Variants in NKAIN3 observed in about 807,000 individuals in gnomAD.
The protein encoded by NKAIN3 is sodium/potassium-transporting ATPase subunit beta-1-interacting protein 3.
Under a neutral mutation model 30.2 loss-of-function variants are expected in NKAIN3, and 25 were observed. The ratio of observed to expected loss-of-function variants is 0.83; its 90% CI spans 0.60 to 1.16. NKAIN3 has a LOEUF of 1.16. NKAIN3 is among the 50% of genes most tolerant of loss of function. NKAIN3 has a pLI of 0.00. For synonymous variants in NKAIN3, 91 were observed against 89.6 expected (o/e 1.02, Z -0.09); for missense variants, 225 against 254.1 (o/e 0.89, Z 0.78).
Position 62,746,949 on chromosome 8 carries a change from A to G in NKAIN3, c.291A>G (p.Thr97=), listed in dbSNP as rs1428054561. The part of the protein sequence containing the change: ...GGLSKDTDLM[T]FNISVHRSWW... The stretch of plus-strand genomic sequence containing the variant: ...CCACCTAGGACACCGATCTAATGAC[A>G]TTCAATATCTCTGTACATCGGTCAT... Residue 97 remains threonine, a synonymous_variant, in exon 4 of 7, where the codon ACA becomes ACG. Coordinates refer to ENST00000623646, the MANE Select transcript of NKAIN3 (RefSeq NM_001304533.3). 1.2e-6 allele frequency: 2 copies of G among 1,609,070 alleles called. No individual in the cohort carries two copies. Among genetic ancestry groups the G allele is most frequent in the East Asian group, 4.5e-5 (2 of 44,728 alleles).
At chr8:62,727,433 C>T (rs1037269217) in intron 3 of NKAIN3, among the ~76,000 whole-genome samples, 3 of 152,018 alleles carry the variant, frequency 2.0e-5, no homozygotes, top group African/African-American at 7.2e-5. Flanking sequence ...CCATGGTCAT[C>T]TATGTAGAAG....
chr8:62,362,999 G>A (rs1816614517), intron 1 of NKAIN3, among the ~76,000 whole-genome samples: 1 of 152,092 alleles, frequency 6.6e-6, no homozygotes, highest in Non-Finnish European at 1.5e-5. Flanking sequence ...TCCTAAATTA[G>A]GTTTTCAGTC....
intron 4 of NKAIN3, among the ~76,000 whole-genome samples, chr8:62,800,502 T>C (rs912320662): frequency 5.3e-5 from 8 of 152,192 alleles, no homozygotes; most frequent in Non-Finnish European, 1.0e-4. Context: ...GAATTCCCAG[T>C]ACACAGAACT....
chr8:62,699,215 A>T (rs2130463176), intron 3 of NKAIN3, among the ~76,000 whole-genome samples: 1 of 152,346 alleles, frequency 6.6e-6, no homozygotes, highest in Middle Eastern at 3.4e-3. Flanking sequence ...AATTAATTTG[A>T]TATAGCTACA....
intron 3 of NKAIN3, among the ~76,000 whole-genome samples, chr8:62,732,960 G>T (rs1007996900): frequency 6.6e-6 from 1 of 151,888 alleles, no homozygotes; most frequent in African/African-American, 2.4e-5. Context: ...ATGTGTTATT[G>T]CTTCTACCAT....
At chr8:62,803,652 A>G (rs1466716169) in intron 4 of NKAIN3, among the ~76,000 whole-genome samples, 1 of 152,214 alleles carries the variant, frequency 6.6e-6, no homozygotes, top group East Asian at 1.9e-4. Flanking sequence ...AATGCCTGCA[A>G]GAGAAAGCAG....
chr8:62,967,420 T>G lies in NKAIN3; in HGVS notation c.*2013T>G, dbSNP rs1237662703. Among the ~76,000 whole-genome samples the G allele has an allele frequency of 6.6e-6, 1 of 152,170 alleles. No individual in the cohort carries two copies. The highest frequency in any genetic ancestry group is 1.5e-5 in the Non-Finnish European group (1 of 68,026). ...ACGAAAAATGTAAAAAAATTCTCAG[T>G]ACACAGTGAAGCACTCCACAATTAA... On this transcript the variant is annotated 3_prime_UTR_variant, in exon 7 of 7. Coordinates refer to ENST00000623646, the MANE Select transcript of NKAIN3 (RefSeq NM_001304533.3).
At chr8:62,512,730 A>G (rs1001580854) in intron 1 of NKAIN3, among the ~76,000 whole-genome samples, 1 of 73,690 alleles carries the variant, frequency 1.4e-5, no homozygotes, top group Non-Finnish European at 3.6e-5. Flanking sequence ...AGCTGCTGCC[A>G]CAAAGAAAAC....
chr8:62,507,356 A>G (rs920086896), intron 1 of NKAIN3, among the ~76,000 whole-genome samples: 1 of 152,198 alleles, frequency 6.6e-6, no homozygotes, highest in Non-Finnish European at 1.5e-5. Flanking sequence ...CTAGTTCTGC[A>G]CACAGCAGGC....
intron 1 of NKAIN3, among the ~76,000 whole-genome samples, chr8:62,531,161 G>A (rs1193897999): frequency 6.6e-6 from 1 of 152,162 alleles, no homozygotes; most frequent in Non-Finnish European, 1.5e-5. Context: ...CATGTGTGCT[G>A]TCTCTGTGGG....
At chr8:62,895,022 A>G (rs1821391794) in intron 4 of NKAIN3, among the ~76,000 whole-genome samples, 1 of 152,208 alleles carries the variant, frequency 6.6e-6, no homozygotes, top group Non-Finnish European at 1.5e-5. Context: ...TTAAGCCTAA[A>G]GTAGGTTTTA....
At chr8:62,557,517 C>T (rs545368000) in intron 1 of NKAIN3, among the ~76,000 whole-genome samples, 1 of 152,150 alleles carries the variant, frequency 6.6e-6, no homozygotes, top group African/African-American at 2.4e-5. Context: ...AGTTTACATT[C>T]CCACCAGCAG....
chr8:62,254,422 A>T (rs1430078562), intron 1 of NKAIN3, among the ~76,000 whole-genome samples: 1 of 152,168 alleles, frequency 6.6e-6, no homozygotes, highest in African/African-American at 2.4e-5. Context: ...CTAGAACCGA[A>T]AATAGGACTT....
At chr8:62,545,997 A>G (rs963209302) in intron 1 of NKAIN3, among the ~76,000 whole-genome samples, 3 of 152,198 alleles carry the variant, frequency 2.0e-5, no homozygotes, top group Non-Finnish European at 4.4e-5. Flanking sequence ...GAGAAGTACA[A>G]AAATACTGGT....
intron 1 of NKAIN3, among the ~76,000 whole-genome samples, chr8:62,438,271 C>A (rs1273389418): frequency 6.6e-6 from 1 of 152,158 alleles, no homozygotes; most frequent in Non-Finnish European, 1.5e-5. Flanking sequence ...GGTAAAGGAC[C>A]TATCTTTATC....
intron 1 of NKAIN3, among the ~76,000 whole-genome samples, chr8:62,427,872 GT>G (rs1490473590): frequency 6.6e-6 from 1 of 151,796 alleles, no homozygotes; most frequent in Non-Finnish European, 1.5e-5. Flanking sequence ...TTCTAGCTAT[GT>G]TAAAATATAC....
intron 3 of NKAIN3, among the ~76,000 whole-genome samples, chr8:62,620,903 T>TG (rs1449600396): frequency 6.9e-6 from 1 of 144,640 alleles, no homozygotes; most frequent in African/African-American, 2.5e-5. Context: ...ATTCACTTAC[T>TG]GTCTGAAAGG....
chr8:62,580,194 C>T (rs2130062924), intron 2 of NKAIN3, among the ~76,000 whole-genome samples: 1 of 152,248 alleles, frequency 6.6e-6, no homozygotes, highest in Non-Finnish European at 1.5e-5. Flanking sequence ...ACATTTCATA[C>T]TGATTGATAT....
chr8:62,288,382 C>A (rs76221614), intron 1 of NKAIN3, among the ~76,000 whole-genome samples: 16 of 152,238 alleles, frequency 1.1e-4, no homozygotes, highest in African/African-American at 3.9e-4. Context: ...CTAATGCTAT[C>A]CCTCCTCCCT....
Sources: gnomAD v4.1 joint callset for allele counts (sites outside exome capture counted in the v4.1 genomes callset) on GRCh38, gnomAD v4.1.1 for gene constraint, MANE v1.5 for transcripts, NCBI Gene and HGNC (gene_info 2026-07-23, HGNC 2026-07-21) for gene names.